The following RSF1 variants were observed in gnomAD, a reference collection of about 807,000 sequenced individuals.
RSF1 encodes the protein HBV pX-associated protein 8.
Under a neutral mutation model 145.2 loss-of-function variants are expected in RSF1, and 13 were observed. The observed-to-expected ratio is 0.09, with a 90% CI of 0.06 to 0.14. The LOEUF (loss-of-function observed/expected upper bound fraction) is 0.14, where lower values mean the gene tolerates loss of function less well. Among genes scored for constraint, RSF1 ranks in the 10% least tolerant of loss-of-function variants. RSF1 has a pLI of 1.00. For missense variants in RSF1, 1,517 were observed against 1,718.2 expected (o/e 0.88, Z 2.07); for synonymous variants, 577 against 592.6 (o/e 0.97, Z 0.38).
chr11:77,740,931 G>A lies in RSF1; in HGVS notation c.378C>T (p.Leu126=), dbSNP rs763061072. Residue 126 remains leucine, a synonymous_variant, in exon 4 of 16, where the codon CTC becomes CTT. Transcript: ENST00000308488. ...GATTGTCATCAAACTGACACTCACA[G>A]AGGTACTGAAAAATAGTCATAACAT... ...VECKLALLKY[L]CECQFDDNLK... 17 of 1,611,308 alleles carry A rather than the reference G, an allele frequency of 1.1e-5. No homozygotes were observed. Among genetic ancestry groups the A allele is most frequent in the Non-Finnish European group, 1.4e-5 (17 of 1,177,710 alleles).
chr11:77,676,440 GATA>G (rs916506403), intron 13 of RSF1, among the ~76,000 whole-genome samples: 50 of 152,252 alleles, frequency 3.3e-4, no homozygotes, highest in African/African-American at 1.1e-3. Flanking sequence ...GTCATGAGAG[GATA>G]ATATCTTATT....
At chr11:77,836,185 C>G in the RSF1 span, among the ~76,000 whole-genome samples, 1 of 150,794 alleles carries the variant, frequency 6.6e-6, no homozygotes, top group Non-Finnish European at 1.5e-5. Context: ...TTTCCTCAAA[C>G]ATATTTATTT....
At chr11:77,754,584 ATT>A (rs1948097100) in intron 2 of RSF1, among the ~76,000 whole-genome samples, 1 of 141,182 alleles carries the variant, frequency 7.1e-6, no homozygotes, top group African/African-American at 2.6e-5. Flanking sequence ...TCTACAAAAA[ATT>A]AGCCAGGCAT....
rs552673084 is a variant in RSF1, at chr11:77,663,816, A to G, written c.*3101T>C. 2.6e-5 allele frequency: 4 copies of G among 152,344 alleles called. No individual in the cohort carries two copies. The highest frequency in any genetic ancestry group is 5.9e-5 in the Non-Finnish European group (4 of 68,030). The allele number at this position is 152,344 out of a possible 1,614,324, so 9.4% of individuals were successfully genotyped here. On this transcript the variant is annotated 3_prime_UTR_variant, in exon 16 of 16. Coordinates refer to ENST00000308488, the MANE Select transcript of RSF1 (RefSeq NM_016578.4). ...AGCTGACTAGTTTTCAAACCTTTTC[A>G]GAAATTGCAAACTAAATATACTGAA...
At chr11:77,853,423 T>C in the RSF1 span, among the ~76,000 whole-genome samples, 159 of 150,072 alleles carry the variant, frequency 1.1e-3, 7 homozygotes, top group South Asian at 0.033. Flanking sequence ...GGCAGGAGAG[T>C]GGGGAGGTGC....
intron 1 of RSF1, among the ~76,000 whole-genome samples, chr11:77,807,235 C>T (rs767128661): frequency 3.3e-5 from 5 of 152,184 alleles, no homozygotes; most frequent in African/African-American, 4.8e-5. Context: ...TTTCCCATGC[C>T]GTTCCCTGCC....
At chr11:77,794,201 C>A (rs922678583) in intron 1 of RSF1, among the ~76,000 whole-genome samples, 2 of 152,174 alleles carry the variant, frequency 1.3e-5, no homozygotes, top group African/African-American at 4.8e-5. Context: ...CAGATACATA[C>A]CTACTGAACA....
intron 3 of RSF1, among the ~76,000 whole-genome samples, chr11:77,742,620 CTCTTG>C (rs1441802751): frequency 2.0e-5 from 3 of 152,152 alleles, no homozygotes; most frequent in African/African-American, 7.2e-5. Context: ...AACTTGTTAT[CTCTTG>C]TCTTGTCTTT....
chr11:77,742,864 A>G (rs995751260), intron 3 of RSF1, among the ~76,000 whole-genome samples: 7 of 152,226 alleles, frequency 4.6e-5, no homozygotes, highest in African/African-American at 1.7e-4. Context: ...CTCTTTTAGT[A>G]GTTTTATACT....
At chr11:77,706,089 A>G (rs77940403) in intron 5 of RSF1, among the ~76,000 whole-genome samples, 4,880 of 151,922 alleles carry the variant, frequency 0.032, 248 homozygotes, top group African/African-American at 0.11. Flanking sequence ...TAAAGATACA[A>G]AATTAGCAGG....
chr11:77,703,698 C>A (rs752916365), intron 5 of RSF1, among the ~76,000 whole-genome samples: 8 of 152,126 alleles, frequency 5.3e-5, no homozygotes, highest in Non-Finnish European at 2.9e-5. Context: ...GAGAGTTAAG[C>A]AACTGTAATC....
chr11:77,773,223 A>G lies in RSF1; in HGVS notation c.188-8534T>C, dbSNP rs556862393. ...TGTACCATCCAATGGCTTTTAGTGT[A>G]TTACATTATTTATTTAACGGTGGTA... On this transcript the variant is annotated intron_variant, in intron 1 of 15. Coordinates refer to ENST00000308488, the MANE Select transcript of RSF1 (RefSeq NM_016578.4). Among the ~76,000 whole-genome samples the G allele has an allele frequency of 1.2e-4, 19 of 152,320 alleles. No individual in the cohort carries two copies. In the South Asian group the frequency reaches 1.4e-3, roughly 12 times the overall value.
intron 1 of RSF1, among the ~76,000 whole-genome samples, chr11:77,788,497 TAAAAA>T (rs35227998): frequency 1.1e-3 from 146 of 130,754 alleles, no homozygotes; most frequent in African/African-American, 4.0e-3. Context: ...GAAGACAGGT[TAAAAA>T]AAAAAAAAAA....
the RSF1 span, among the ~76,000 whole-genome samples, chr11:77,852,224 C>CAAAAAAAAAAAAAAAAAAAA: frequency 2.0e-3 from 66 of 33,390 alleles, 1 homozygote; most frequent in Non-Finnish European, 2.5e-3. Flanking sequence ...GACACTGTCT[C>CAAAAAAAAAAAAAAAAAAAA]AAAAAAAAAA....
the RSF1 span, among the ~76,000 whole-genome samples, chr11:77,858,459 C>T: frequency 6.6e-6 from 1 of 151,860 alleles, no homozygotes; most frequent in African/African-American, 2.4e-5. Context: ...TTCTTTACCT[C>T]CTGTTTTTGC....
intron 5 of RSF1, among the ~76,000 whole-genome samples, chr11:77,710,442 G>A (rs1176490259): frequency 6.6e-6 from 1 of 152,086 alleles, no homozygotes; most frequent in African/African-American, 2.4e-5. Flanking sequence ...ACACGTTAAT[G>A]TTATCCCCTC....
At chr11:77,726,614 AAGC>A (rs1961059264) in intron 4 of RSF1, among the ~76,000 whole-genome samples, 1 of 152,192 alleles carries the variant, frequency 6.6e-6, no homozygotes, top group African/African-American at 2.4e-5. Flanking sequence ...TGAAGATAAA[AAGC>A]AGGCCCTGGA....
intron 1 of RSF1, among the ~76,000 whole-genome samples, chr11:77,775,099 C>T (rs1438873604): frequency 6.6e-6 from 1 of 151,494 alleles, no homozygotes; most frequent in Non-Finnish European, 1.5e-5. Flanking sequence ...TACAAAAAAA[C>T]TAGCTGGGCA....
At chr11:77,835,971 A>ACT in the RSF1 span, among the ~76,000 whole-genome samples, 1 of 152,192 alleles carries the variant, frequency 6.6e-6, no homozygotes, top group African/African-American at 2.4e-5. Flanking sequence ...TGAATTGAAG[A>ACT]ATACATGCTG....
Sources: allele counts gnomAD v4.1 joint callset (sites outside exome capture counted in the v4.1 genomes callset), GRCh38; gene constraint gnomAD v4.1.1; transcripts MANE v1.5; gene names NCBI Gene and HGNC (gene_info 2026-07-23, HGNC 2026-07-21).